The following ODAD3 variants were observed in gnomAD, a reference collection of about 807,000 sequenced individuals.
ODAD3 encodes outer dynein arm docking complex subunit 3.
ODAD3 carries 57 observed loss-of-function variants against 70.9 expected under a neutral mutation model. The ratio of observed to expected loss-of-function variants is 0.80; its 90% CI spans 0.65 to 1.00. ODAD3 has a LOEUF of 1.00. ODAD3 is among the 50% of genes least tolerant of loss of function. The probability of loss-of-function intolerance (pLI) is 0.00; values close to 1 mark genes in which losing one functional copy is unlikely to be tolerated. For missense variants in ODAD3, 797 were observed against 763.9 expected, an observed-to-expected ratio of 1.04 and a Z score of -0.51; for synonymous variants, 327 against 315.9, an observed-to-expected ratio of 1.04 and a Z score of -0.37.
chr19:11,426,056 A>G, intron 7 of ODAD3, 88 bp downstream of exon 7: 2 of 1,478,026 alleles, frequency 1.4e-6, no homozygotes, highest in Admixed American at 2.4e-5. Context: ...AAAATGGGAG[A>G]AGGCCTAGGA....
chr19:11,432,231 T>C lies in ODAD3; in HGVS notation c.245-1211A>G, dbSNP rs1290651182. 2.0e-5 allele frequency among the ~76,000 whole-genome samples: 3 copies of C among 152,162 alleles called. No individual in the cohort carries two copies. In the East Asian group the frequency reaches 5.8e-4, roughly 29 times the overall value. The stretch of plus-strand genomic sequence containing the variant: ...CCCTCTGTATACTCAGGTTTTGCAT[T>C]CCAGGACTGTTGTATTTTCTTTTCT... On this transcript the variant is annotated intron_variant, in intron 1 of 12. Transcript: ENST00000356392.
At chr19:11,421,922 G>A in intron 10 of ODAD3, 90 bp from the exon 11 acceptor site, 1 of 1,456,788 alleles carries the variant, frequency 6.9e-7, no homozygotes, top group Non-Finnish European at 9.2e-7. Flanking sequence ...TCGGGGGCGG[G>A]GCCTAGGAGG....
Position 11,422,414 on chromosome 19 carries a change from G to A in ODAD3, c.1434+57C>T. ...GGTGTGGCAGGAACCCCGCTTCGTGGCTGCGCCTCTGCGGTCCCAGGAGGG... is the reference window on the plus strand; with the variant it reads ...GGTGTGGCAGGAACCCCGCTTCGTGACTGCGCCTCTGCGGTCCCAGGAGGG... On this transcript the variant is annotated intron_variant, in intron 10 of 12. Coordinates refer to ENST00000356392, the MANE Select transcript of ODAD3 (RefSeq NM_145045.5). This position sits in a 1 kb window ranked among gnomAD's most constrained non-coding sequence, Gnocchi z 4.6. 1 of 1,469,218 alleles carries A rather than the reference G, an allele frequency of 6.8e-7. No individual in the cohort carries two copies. The highest frequency in any genetic ancestry group is 2.5e-5 in the East Asian group (1 of 40,450). 91.0% of individuals were successfully genotyped at this position (1,469,218 alleles called of 1,614,324 possible).
intron 6 of ODAD3, 31 bp from the exon 7 acceptor site, chr19:11,426,297 A>C: frequency 6.2e-7 from 1 of 1,612,214 alleles, no homozygotes; most frequent in Non-Finnish European, 8.5e-7. Context: ...CAGGGAGACC[A>C]GCTGGCACCT....
intron 10 of ODAD3, 145 bp from the exon 11 acceptor site, chr19:11,421,977 A>T: frequency 1.2e-6 from 1 of 848,386 alleles, no homozygotes; most frequent in South Asian, 1.8e-5. Context: ...GGGGGCGGGG[A>T]CTTAGGTCAA....
In ODAD3 at chr19:11,432,353, G is replaced by A. The variant is rs564696911; in HGVS notation, c.245-1333C>T. ...AGCCTCAACCTCCTGAGCTCAAGCA[G>A]TCCTCCTGCCTCAGCCTCCCAAGTA... is the stretch of plus-strand genomic sequence containing the variant. On this transcript the variant is annotated intron_variant, in intron 1 of 12. Transcript: ENST00000356392. Among the ~76,000 whole-genome samples, 4 of 152,188 alleles carry A rather than the reference G, an allele frequency of 2.6e-5. 1 individual carries two copies. The highest frequency in any genetic ancestry group is 9.6e-5 in the African/African-American group (4 of 41,540).
intron 7 of ODAD3, among the ~76,000 whole-genome samples, chr19:11,425,075 A>ATGTGTATATGTACATATG (rs1555722174): frequency 1.5e-5 from 2 of 135,216 alleles, no homozygotes; most frequent in Admixed American, 1.4e-4. Context: ...ATATATGTAT[A>ATGTGTATATGTACATATG]TGTGTATATG....
chr19:11,435,594 A>T (rs1047982619), upstream of ODAD3: 19 of 969,994 alleles, frequency 2.0e-5, no homozygotes, highest in African/African-American at 3.2e-4. Context: ...CCGGTGCGGA[A>T]CGTACGACCG....
rs751234082 is a variant in ODAD3 at position 11,434,572 on chromosome 19, A to G, written c.244+201T>C. On this transcript the variant is annotated intron_variant, in intron 1 of 12. Transcript: ENST00000356392. ...AAAAATAGAGAAAATAAATTACAAG[A>G]AAGTATGAAGTACAGTTCAGTCGGT... is the stretch of plus-strand genomic sequence containing the variant. The G allele has an allele frequency of 1.2e-5, 6 of 495,240 alleles. No individual in the cohort carries two copies. The Admixed American group carries it at 1.7e-4, about 14-fold the overall frequency. The allele number at this position is 495,240 out of a possible 1,614,324, so 30.7% of individuals were successfully genotyped here.
At chr19:11,425,605 G>GCATATACGCATATACGCATATA (rs1969344349) in intron 7 of ODAD3, among the ~76,000 whole-genome samples, 1 of 128,648 alleles carries the variant, frequency 7.8e-6, no homozygotes, top group African/African-American at 4.2e-5. Context: ...GTATATATGT[G>GCATATACGCATATACGCATATA]TGTGTATATA....
intron 7 of ODAD3, 22 bp downstream of exon 7, chr19:11,426,122 G>A (rs778171497): frequency 4.1e-5 from 65 of 1,598,296 alleles, no homozygotes; most frequent in Non-Finnish European, 5.4e-5. Context: ...AGTCACAGGC[G>A]CGCACCCCTG....
rs774815326 is a variant in ODAD3 at position 11,426,568 on chromosome 19, C to G, written c.718G>C (p.Glu240Gln). 1.2e-6 allele frequency: 2 copies of G among 1,613,994 alleles called. No individual in the cohort carries two copies. The highest frequency in any genetic ancestry group is 1.7e-5 in the Admixed American group (1 of 59,998). Residue 240 changes from glutamate (E) to glutamine (Q), a missense_variant, in exon 6 of 13, where the codon GAG becomes CAG. Physicochemically the swap from Glu to Gln is conservative, Grantham distance 29 (BLOSUM62 2). Transcript: ENST00000356392. ...AGCCGGTTCTCCAAGTTGAGGCTCT[C>G]GTCCTGGGGCGTGGTGGGGAGGGGT... ...YLQLKAYLMD[E>Q]SLNLENRLDS...
chr19:11,425,559 A>G (rs1002956146), intron 7 of ODAD3, among the ~76,000 whole-genome samples: 15 of 129,456 alleles, frequency 1.2e-4, no homozygotes, highest in African/African-American at 4.1e-4. Flanking sequence ...ATATATGTAT[A>G]TATGTGTGTA....
chr19:11,420,739 C>T lies in ODAD3; in HGVS notation c.*96G>A. On this transcript the variant is annotated 3_prime_UTR_variant, in exon 13 of 13. Coordinates refer to ENST00000356392, the MANE Select transcript of ODAD3 (RefSeq NM_145045.5). The stretch of plus-strand genomic sequence containing the variant: ...GGCCGCCTCCGTTCCCGGTCCGGGC[C>T]GCGTTCAGCCCCTGAAGGGGCCCCG... 9.2e-7 allele frequency: 1 copy of T among 1,085,296 alleles called. No individual in the cohort carries two copies. Among genetic ancestry groups the T allele is most frequent in the Non-Finnish European group, 1.4e-6 (1 of 726,568 alleles). 67.2% of individuals were successfully genotyped at this position (1,085,296 alleles called of 1,614,324 possible). A position where few individuals can be genotyped will look rare whatever the true frequency, so the allele number is the denominator to read the frequency against.
At chr19:11,425,118 T>C (rs1969271957) in intron 7 of ODAD3, among the ~76,000 whole-genome samples, 1 of 135,324 alleles carries the variant, frequency 7.4e-6, no homozygotes, top group Non-Finnish European at 1.5e-5. Context: ...TATGTGTATA[T>C]GTACATATGT....
At chr19:11,424,685 CTATGTGTA>C (rs1969232241) in intron 7 of ODAD3, among the ~76,000 whole-genome samples, 1 of 36,636 alleles carries the variant, frequency 2.7e-5, no homozygotes, top group Non-Finnish European at 4.3e-5. Flanking sequence ...GTATATATAC[CTATGTGTA>C]TATATGTATA....
At chr19:11,426,080 G>C in intron 7 of ODAD3, 64 bp downstream of exon 7, 1 of 1,565,384 alleles carries the variant, frequency 6.4e-7, no homozygotes, top group Non-Finnish European at 8.6e-7. Context: ...GGGAGAGCCA[G>C]GGCATGGCTG....
Position 11,426,986 on chromosome 19 carries a change from G to A in ODAD3, c.499C>T (p.Leu167=), listed in dbSNP as rs1276710134. The change falls in exon 4 of 13, where the codon CTG becomes TTG. Residue 167 remains leucine, a synonymous_variant. Transcript: ENST00000356392. Reference sequence around the variant, plus strand: ...TGCCGCAACACCACCTGGTGCCGCAGGGCGTTCTGCTGCTTCACCTTCTCC... The same window carrying A: ...TGCCGCAACACCACCTGGTGCCGCAAGGCGTTCTGCTGCTTCACCTTCTCC... The part of the protein sequence containing the change: ...LREKVKQQNA[L]RHQVVLRQRR... The A allele has an allele frequency of 8.7e-6, 14 of 1,605,874 alleles. No individual in the cohort carries two copies. The highest frequency in any genetic ancestry group is 1.0e-5 in the Non-Finnish European group (12 of 1,179,502).
In ODAD3 at chr19:11,434,903, G is replaced by T; in HGVS notation, c.114C>A (p.His38Gln). The T allele has an allele frequency of 6.2e-7, 1 of 1,614,162 alleles. No homozygotes were observed. The highest frequency in any genetic ancestry group is 1.3e-5 in the African/African-American group (1 of 75,064). ...KGREASGKPS[H>Q]LRGKGTAQAW... The stretch of plus-strand genomic sequence containing the variant: ...CCTGGGCTGTGCCCTTGCCTCGGAG[G>T]TGGCTGGGTTTGCCCGAAGCCTCCC... Residue 38 changes from histidine to glutamine, a missense_variant, in exon 1 of 13, where the codon CAC (histidine) becomes CAA (glutamine). His to Gln is a conservative substitution (Grantham distance 24, BLOSUM62 0). Coordinates refer to ENST00000356392, the MANE Select transcript of ODAD3 (RefSeq NM_145045.5).
Sources: gnomAD v4.1 joint callset for allele counts (sites outside exome capture counted in the v4.1 genomes callset) on GRCh38, gnomAD v4.1.1 for gene constraint, Gnocchi (gnomAD v3.1) non-coding constraint, MANE v1.5 for transcripts, NCBI Gene and HGNC (gene_info 2026-07-23, HGNC 2026-07-21) for gene names.